Variants in TMCO6 observed in about 807,000 individuals in gnomAD.
TMCO6 encodes the protein transmembrane and coiled-coil domain-containing protein 6.
A neutral mutation model predicts 61.8 loss-of-function variants in TMCO6; 47 were observed. That is an observed-to-expected ratio of 0.76 (90% CI 0.60 to 0.97). TMCO6 has a LOEUF of 0.97. Ranked by LOEUF, TMCO6 falls within the 50% of genes least tolerant of loss-of-function variation. The probability of loss-of-function intolerance (pLI) is 0.00; values close to 1 mark genes in which losing one functional copy is unlikely to be tolerated. For missense variants in TMCO6, 557 were observed against 601.6 expected, an observed-to-expected ratio of 0.93 and a Z score of 0.78; for synonymous variants, 261 against 254.2, an observed-to-expected ratio of 1.03 and a Z score of -0.25.
chr5:140,631,881 A>G, the TMCO6 span: 7 of 1,577,310 alleles, frequency 4.4e-6, no homozygotes, highest in Non-Finnish European at 6.0e-6. Flanking sequence ...GGCCCCTTGG[A>G]GCAGCACCAG....
chr5:140,628,315 T>C, the TMCO6 span, among the ~76,000 whole-genome samples: 1 of 152,242 alleles, frequency 6.6e-6, no homozygotes, highest in Non-Finnish European at 1.5e-5. Context: ...AACTTGTGAC[T>C]AAGATACCTA....
chr5:140,644,005 A>G, intron 9 of TMCO6, 39 bp downstream of exon 9: 1 of 1,613,524 alleles, frequency 6.2e-7, no homozygotes, highest in Non-Finnish European at 8.5e-7. Flanking sequence ...ACATTTGGAT[A>G]ATGGGGATAT....
the TMCO6 span, among the ~76,000 whole-genome samples, chr5:140,602,767 C>CACACACACACACAA: frequency 6.7e-6 from 1 of 150,212 alleles, no homozygotes; most frequent in Non-Finnish European, 1.5e-5. Context: ...CTGTCTCTCT[C>CACACACACACACAA]ACACACACAC....
At chr5:140,607,573 G>A in the TMCO6 span, among the ~76,000 whole-genome samples, 1 of 152,034 alleles carries the variant, frequency 6.6e-6, no homozygotes, top group Admixed American at 6.6e-5. Flanking sequence ...TACAATTATT[G>A]GATTATATGG....
At chr5:140,644,908 G>A in intron 11 of TMCO6, 77 bp from the exon 12 acceptor site, 1 of 1,540,254 alleles carries the variant, frequency 6.5e-7, no homozygotes, top group African/African-American at 1.4e-5. Context: ...TCTGGAGTAG[G>A]CTGACCCATG....
chr5:140,605,752 G>A, the TMCO6 span, among the ~76,000 whole-genome samples: 1 of 149,320 alleles, frequency 6.7e-6, no homozygotes, highest in African/African-American at 2.5e-5. Flanking sequence ...GAAAGAAGAT[G>A]TTTCCTCCTT....
chr5:140,618,392 G>GCAC, the TMCO6 span, among the ~76,000 whole-genome samples: 1 of 151,732 alleles, frequency 6.6e-6, no homozygotes. Context: ...TCACACCATT[G>GCAC]CACCACTCCA....
the TMCO6 span, among the ~76,000 whole-genome samples, chr5:140,624,852 CTTTCTT>C: frequency 3.0e-4 from 32 of 105,418 alleles, no homozygotes; most frequent in African/African-American, 1.4e-3. Flanking sequence ...TTCTTTCTTT[CTTTCTT>C]TTTTTTTTTT....
chr5:140,647,274 T>C (rs761778714), downstream of TMCO6: 2 of 1,558,646 alleles, frequency 1.3e-6, no homozygotes, highest in Admixed American at 3.7e-5. Context: ...GCCCAGAGCT[T>C]GGGCTGCACA....
the TMCO6 span, chr5:140,632,785 C>T: frequency 6.2e-7 from 1 of 1,613,608 alleles, no homozygotes; most frequent in Non-Finnish European, 8.5e-7. The surrounding 1 kb of genome is among the most constrained non-coding windows in gnomAD (Gnocchi z 6.2). Context: ...AGAAACGGCT[C>T]TAGGTTGAGA....
chr5:140,643,065 C>T (rs1302824763), intron 7 of TMCO6, 24 bp downstream of exon 7: 2 of 1,614,030 alleles, frequency 1.2e-6, no homozygotes, highest in East Asian at 4.5e-5. Context: ...TGGGAAAGTA[C>T]CACAGATCTT....
the TMCO6 span, among the ~76,000 whole-genome samples, chr5:140,609,658 G>A: frequency 1.6e-3 from 153 of 92,768 alleles, no homozygotes; most frequent in Non-Finnish European, 2.2e-3. Context: ...AAAAAAAAAA[G>A]AATTTCATTG....
chr5:140,629,933 CAAAA>C, the TMCO6 span, among the ~76,000 whole-genome samples: 3 of 107,420 alleles, frequency 2.8e-5, no homozygotes, highest in Non-Finnish European at 2.1e-5. Flanking sequence ...AACTCTGCCT[CAAAA>C]AAAAAAAAAA....
At chr5:140,603,133 T>C in the TMCO6 span, among the ~76,000 whole-genome samples, 1 of 152,088 alleles carries the variant, frequency 6.6e-6, no homozygotes, top group African/African-American at 2.4e-5. Context: ...CCAAAACACA[T>C]GCCATACCCA....
At chr5:140,606,568 G>A in the TMCO6 span, among the ~76,000 whole-genome samples, 1 of 151,990 alleles carries the variant, frequency 6.6e-6, no homozygotes, top group East Asian at 1.9e-4. Context: ...ACATAATAAT[G>A]TTTTGGTCAA....
At chr5:140,607,636 A>G in the TMCO6 span, among the ~76,000 whole-genome samples, 1 of 152,138 alleles carries the variant, frequency 6.6e-6, no homozygotes, top group Non-Finnish European at 1.5e-5. Flanking sequence ...TATTTTCCAC[A>G]GTGGCTGTAC....
At chr5:140,625,352 AAAC>A in the TMCO6 span, among the ~76,000 whole-genome samples, 1 of 152,192 alleles carries the variant, frequency 6.6e-6, no homozygotes, top group Non-Finnish European at 1.5e-5. Context: ...TGTGAGCCTT[AAAC>A]AACAATTGAG....
chr5:140,606,999 A>T, the TMCO6 span, among the ~76,000 whole-genome samples: 786 of 134,704 alleles, frequency 5.8e-3, 1 homozygote, highest in Middle Eastern at 0.015. Flanking sequence ...TAAAAAAAAA[A>T]AATAATAATA....
At chr5:140,643,083 G>A in intron 7 of TMCO6, 42 bp downstream of exon 7, 1 of 1,613,180 alleles carries the variant, frequency 6.2e-7, no homozygotes, top group South Asian at 1.1e-5. Flanking sequence ...CTTCCCTGGG[G>A]CTCCCTTCCA....
Sources: gnomAD v4.1 joint callset for allele counts (sites outside exome capture counted in the v4.1 genomes callset) on GRCh38, gnomAD v4.1.1 for gene constraint, Gnocchi (gnomAD v3.1) non-coding constraint, MANE v1.5 for transcripts, NCBI Gene and HGNC (gene_info 2026-07-23, HGNC 2026-07-21) for gene names.